The following ADAM17 variants were observed in gnomAD, a reference collection of about 807,000 sequenced individuals.
ADAM17 encodes disintegrin and metalloproteinase domain-containing protein 17.
ADAM17 carries 39 observed loss-of-function variants against 96.7 expected under a neutral mutation model. The observed-to-expected ratio is 0.40, with a 90% CI of 0.31 to 0.53. The LOEUF (loss-of-function observed/expected upper bound fraction) is 0.53. Among genes scored for constraint, ADAM17 ranks in the 20% least tolerant of loss-of-function variants. The pLI is 0.44. For synonymous variants in ADAM17, 344 were observed against 359.2 expected (o/e 0.96, Z 0.48); for missense variants, 777 against 1,013.2 (o/e 0.77, Z 3.17).
chr2:9,525,515 T>A (rs1413400667), intron 6 of ADAM17, among the ~76,000 whole-genome samples: 1 of 152,120 alleles, frequency 6.6e-6, no homozygotes, highest in Non-Finnish European at 1.5e-5. Context: ...GAAGTCACAC[T>A]AGCAAAAAAT....
At chr2:9,532,191 G>A (rs906238762) in intron 4 of ADAM17, among the ~76,000 whole-genome samples, 1 of 152,158 alleles carries the variant, frequency 6.6e-6, no homozygotes, top group Non-Finnish European at 1.5e-5. Flanking sequence ...TATTAGTGCA[G>A]ATAGACAATG....
Position 9,490,414 on chromosome 2 carries a change from A to AG in ADAM17, c.2237dup (p.Ser747PhefsTer32), listed in dbSNP as rs1662030392. On this transcript the variant is annotated frameshift_variant, in exon 19 of 19. Transcript: ENST00000310823. LOFTEE classifies it high-confidence loss of function. ...CCAGTTTTGGAGCTGCTGGCGCCGA[A>AG]GGGATCACAGGGGCAGGCTGCAGGC... is the stretch of plus-strand genomic sequence containing the variant. 12 of 1,614,150 alleles carry AG rather than the reference A, an allele frequency of 7.4e-6. No individual in the cohort carries two copies. The highest frequency in any genetic ancestry group is 9.3e-6 in the Non-Finnish European group (11 of 1,180,018).
At chr2:9,516,350 A>G (rs1361143313) in intron 10 of ADAM17, among the ~76,000 whole-genome samples, 2 of 152,146 alleles carry the variant, frequency 1.3e-5, no homozygotes. Context: ...CGGCCTCCCA[A>G]AGTGCCGAAG....
In ADAM17 at chr2:9,502,290, G is replaced by A; in HGVS notation, c.1545-14C>T. The stretch of plus-strand genomic sequence containing the variant: ...CTGTTCCTGTCACTGGAGAAGAACA[G>A]CAGACAGGAACAGAGCAATTCAAAT... On this transcript the variant is annotated splice_polypyrimidine_tract_variant and intron_variant, in intron 12 of 18. Coordinates refer to ENST00000310823, the MANE Select transcript of ADAM17 (RefSeq NM_003183.6). 1 of 1,592,838 alleles carries A rather than the reference G, an allele frequency of 6.3e-7. No homozygotes were observed. Among genetic ancestry groups the A allele is most frequent in the African/African-American group, 1.3e-5 (1 of 74,578 alleles).
chr2:9,523,152 A>G, intron 7 of ADAM17, 97 bp downstream of exon 7: 1 of 872,442 alleles, frequency 1.1e-6, no homozygotes, highest in Non-Finnish European at 1.8e-6. Flanking sequence ...CTTATTTACA[A>G]TTATTGTTAA....
Position 9,555,512 on chromosome 2 carries a change from G to A in ADAM17, c.94C>T (p.Leu32Phe), listed in dbSNP as rs779147649. The change falls in exon 1 of 19, where the codon CTC (leucine) becomes TTC (phenylalanine). Residue 32 changes from leucine (L) to phenylalanine (F), a missense_variant. Physicochemically the swap from Leu to Phe is conservative, Grantham distance 22. Around this residue, in one of 3 missense-constraint regions of ADAM17, gnomAD observed 134 missense variants for 129.1 expected, o/e 1.04. Transcript: ENST00000310823. ...DDPGFGPHQR[L>F]EKLDSLLSDY... ...GCCAACTCCCCTGGGTCTTTACCGA[G>A]TCTCTGGTGGGGGCCGAAGCCCGGG... 1 of 1,594,414 alleles carries A rather than the reference G, an allele frequency of 6.3e-7. No individual in the cohort carries two copies. The highest frequency in any genetic ancestry group is 8.5e-7 in the Non-Finnish European group (1 of 1,170,382).
chr2:9,551,938 T>C (rs1427556841), intron 1 of ADAM17, among the ~76,000 whole-genome samples: 2 of 152,168 alleles, frequency 1.3e-5, no homozygotes, highest in African/African-American at 4.8e-5. Flanking sequence ...GTTATACCTA[T>C]TCACACATAA....
intron 11 of ADAM17, among the ~76,000 whole-genome samples, chr2:9,508,699 C>A (rs73151514): frequency 6.9e-4 from 105 of 152,268 alleles, no homozygotes; most frequent in African/African-American, 2.4e-3. Context: ...GGGCTAGTGG[C>A]TACTATACTG....
At chr2:9,529,770 G>A (rs1279864264) in intron 4 of ADAM17, among the ~76,000 whole-genome samples, 1 of 152,036 alleles carries the variant, frequency 6.6e-6, no homozygotes, top group Non-Finnish European at 1.5e-5. Context: ...CCAGGAGTTC[G>A]AGAACAGCCT....
At chr2:9,533,522 G>A (rs1330895891) in intron 4 of ADAM17, among the ~76,000 whole-genome samples, 3 of 152,114 alleles carry the variant, frequency 2.0e-5, no homozygotes, top group East Asian at 3.8e-4. Flanking sequence ...ACTCCAGCCT[G>A]GTAACAGAGT....
intron 2 of ADAM17, among the ~76,000 whole-genome samples, chr2:9,542,634 C>G (rs1034075733): frequency 9.9e-5 from 15 of 152,222 alleles, no homozygotes; most frequent in African/African-American, 3.6e-4. Context: ...TCGTTACCAT[C>G]ATTAACACCT....
chr2:9,513,663 A>G (rs900017050), intron 10 of ADAM17, among the ~76,000 whole-genome samples: 9 of 152,184 alleles, frequency 5.9e-5, no homozygotes, highest in African/African-American at 2.2e-4. Context: ...TTGTGATGTG[A>G]GAATAGAGGG....
intron 9 of ADAM17, 48 bp downstream of exon 9, chr2:9,518,055 T>A: frequency 6.4e-7 from 1 of 1,572,538 alleles, no homozygotes; most frequent in Non-Finnish European, 8.6e-7. Flanking sequence ...AATCCAATCA[T>A]CTTAATAATC....
At chr2:9,518,869 G>A (rs142192276) in intron 8 of ADAM17, among the ~76,000 whole-genome samples, 10 of 145,256 alleles carry the variant, frequency 6.9e-5, no homozygotes, top group Non-Finnish European at 1.4e-4. Context: ...ACCGTCCAGC[G>A]TCTCCAAGTT....
intron 1 of ADAM17, 54 bp from the exon 2 acceptor site, chr2:9,543,339 T>C (rs1253758770): frequency 9.1e-6 from 13 of 1,427,214 alleles, no homozygotes; most frequent in Non-Finnish European, 1.2e-5. Flanking sequence ...TCAATTGTAG[T>C]ATCGTTAAAA....
At chr2:9,543,100 G>T (rs1665274374) in intron 2 of ADAM17, 53 bp downstream of exon 2, 1 of 1,493,540 alleles carries the variant, frequency 6.7e-7, no homozygotes. Flanking sequence ...TTTTGTTTTT[G>T]CCAAACCAAG....
intron 17 of ADAM17, among the ~76,000 whole-genome samples, chr2:9,492,405 T>C (rs1293848635): frequency 6.6e-6 from 1 of 152,240 alleles, no homozygotes; most frequent in Non-Finnish European, 1.5e-5. Flanking sequence ...CTTACTCTTA[T>C]TTTTTGGGGA....
chr2:9,512,293 GT>G (rs1286339153), intron 10 of ADAM17: 41 of 151,856 alleles, frequency 2.7e-4, no homozygotes, highest in African/African-American at 9.2e-4. Context: ...ATCAAATTTT[GT>G]TTTTTTGCTG....
intron 10 of ADAM17, among the ~76,000 whole-genome samples, chr2:9,515,750 AAG>A (rs1664025903): frequency 6.6e-6 from 1 of 150,446 alleles, no homozygotes; most frequent in Non-Finnish European, 1.5e-5. Flanking sequence ...AAAAAAAAAA[AAG>A]AAAAAAGAAA....
Sources: gnomAD v4.1 joint callset for allele counts (sites outside exome capture counted in the v4.1 genomes callset) on GRCh38, gnomAD v4.1.1 for gene constraint, gnomAD v4.1.1 regional missense constraint, MANE v1.5 for transcripts, NCBI Gene and HGNC (gene_info 2026-07-23, HGNC 2026-07-21) for gene names.